TENT4B: variants seen among roughly 807,000 people sequenced by gnomAD.
TENT4B encodes terminal nucleotidyltransferase 4B.
TENT4B carries 10 observed loss-of-function variants against 75.0 expected under a neutral mutation model. That is an observed-to-expected ratio of 0.13 (90% CI 0.08 to 0.23). The LOEUF (loss-of-function observed/expected upper bound fraction) is 0.23, where lower values mean the gene tolerates loss of function less well. Among genes scored for constraint, TENT4B ranks in the 10% least tolerant of loss-of-function variants. The pLI is 1.00. For missense variants in TENT4B, 579 were observed against 893.8 expected (o/e 0.65, Z 4.49); for synonymous variants, 350 against 357.7 (o/e 0.98, Z 0.24).
At chr16:50,226,873 G>C (rs1215696930) in intron 10 of TENT4B, among the ~76,000 whole-genome samples, 1 of 152,170 alleles carries the variant, frequency 6.6e-6, no homozygotes, top group East Asian at 1.9e-4. Context: ...TTTAGCAGTA[G>C]TTTCTTCTAA....
intron 3 of TENT4B, 58 bp from the exon 4 acceptor site, chr16:50,216,017 C>T (rs908548093): frequency 2.5e-6 from 4 of 1,603,910 alleles, no homozygotes; most frequent in South Asian, 1.1e-5. Context: ...GCATGAGTGT[C>T]AGTTAAAACA....
At chr16:50,155,785 A>T (rs1567471399) in intron 1 of TENT4B, among the ~76,000 whole-genome samples, 1 of 152,202 alleles carries the variant, frequency 6.6e-6, no homozygotes, top group African/African-American at 2.4e-5. Context: ...CCTGTGGTTT[A>T]GTGACAAGCA....
chr16:50,176,913 T>C (rs1157841455), intron 1 of TENT4B, among the ~76,000 whole-genome samples: 3 of 152,164 alleles, frequency 2.0e-5, no homozygotes, highest in Non-Finnish European at 4.4e-5. Flanking sequence ...TTTGGTTTCT[T>C]TTCTGTCTGG....
intron 1 of TENT4B, among the ~76,000 whole-genome samples, chr16:50,163,848 T>C (rs2038047267): frequency 6.6e-6 from 1 of 152,112 alleles, no homozygotes; most frequent in East Asian, 1.9e-4. Flanking sequence ...GTTTTATTTG[T>C]TTATTTTATT....
intron 1 of TENT4B, among the ~76,000 whole-genome samples, chr16:50,208,712 T>C (rs2031116801): frequency 6.6e-6 from 1 of 152,194 alleles, no homozygotes; most frequent in Non-Finnish European, 1.5e-5. Context: ...ACATAGGCAC[T>C]TGGTAGTGTT....
chr16:50,192,232 CAAAAA>C (rs35218799), intron 1 of TENT4B, among the ~76,000 whole-genome samples: 2 of 129,538 alleles, frequency 1.5e-5, no homozygotes, highest in Non-Finnish European at 1.7e-5. Flanking sequence ...GACTCTGTCT[CAAAAA>C]AAAAAAAAAA....
intron 1 of TENT4B, among the ~76,000 whole-genome samples, chr16:50,164,433 C>G (rs976636552): frequency 6.6e-6 from 1 of 152,002 alleles, no homozygotes; most frequent in African/African-American, 2.4e-5. Flanking sequence ...CTCAGCCTCC[C>G]GAGTAGCTGG....
At position 50,153,909 on chromosome 16, in the gene TENT4B, G is replaced by T; in HGVS notation, c.288G>T (p.Leu96=). The T allele has an allele frequency of 6.6e-7, 1 of 1,526,072 alleles. No homozygotes were observed. Among genetic ancestry groups the T allele is most frequent in the Non-Finnish European group, 8.7e-7 (1 of 1,143,340 alleles). The allele number at this position is 1,526,072 out of a possible 1,614,324, so 94.5% of individuals were successfully genotyped here. Residue 96 remains leucine, a synonymous_variant, in exon 1 of 12, where the codon CTG becomes CTT. Transcript: ENST00000561678. ...SGERLLGSHA[L]PAEQRDFLPL... ...AGCGCCTGCTGGGCAGCCACGCGCTGCCCGCGGAGCAGCGGGACTTCCTGC... is the reference window on the plus strand; with the variant it reads ...AGCGCCTGCTGGGCAGCCACGCGCTTCCCGCGGAGCAGCGGGACTTCCTGC...
Position 50,153,672 on chromosome 16 carries a change from C to A in TENT4B, c.51C>A (p.Asn17Lys). The A allele has an allele frequency of 9.8e-7, 1 of 1,017,612 alleles. No individual in the cohort carries two copies. Among genetic ancestry groups the A allele is most frequent in the Non-Finnish European group, 1.2e-6 (1 of 851,846 alleles). The allele number at this position is 1,017,612 out of a possible 1,614,324, so 63.0% of individuals were successfully genotyped here. A position where few individuals can be genotyped will look rare whatever the true frequency, so the allele number is the denominator to read the frequency against. ...AGCCAGAGCAGCTCGGACCGTCCAACAGTCTGTGGATGCAGATCTGGGAGA... is the reference window on the plus strand; with the variant it reads ...AGCCAGAGCAGCTCGGACCGTCCAAAAGTCTGTGGATGCAGATCTGGGAGA... ...WFQPEQLGPSNSLWMQIWETT... is the reference protein window; with the variant it reads ...WFQPEQLGPSKSLWMQIWETT... The change falls in exon 1 of 12, where the codon AAC becomes AAA. Residue 17 changes from asparagine (N) to lysine (K), a missense_variant. Physicochemically the swap from Asn to Lys is moderately conservative, Grantham distance 94. This residue lies in a region of TENT4B where 253 missense variants were observed against 270.1 expected (regional missense o/e 0.94). Transcript: ENST00000561678.
intron 1 of TENT4B, among the ~76,000 whole-genome samples, chr16:50,162,702 T>C (rs922129988): frequency 2.0e-5 from 3 of 152,204 alleles, no homozygotes; most frequent in African/African-American, 4.8e-5. Flanking sequence ...TTAACTTTTT[T>C]TTGTCTTTGA....
chr16:50,226,430 GTTGTT>G (rs546996930), intron 10 of TENT4B, among the ~76,000 whole-genome samples: 2 of 151,510 alleles, frequency 1.3e-5, no homozygotes, highest in East Asian at 3.9e-4. Flanking sequence ...TTTTGTTGTT[GTTGTT>G]TTGTTTTGTT....
At chr16:50,214,184 T>C (rs1567508210) in intron 2 of TENT4B, 37 bp from the exon 3 acceptor site, 11 of 1,461,084 alleles carry the variant, frequency 7.5e-6, no homozygotes, top group Middle Eastern at 4.7e-4. Flanking sequence ...CAACTTCTGA[T>C]AACTCAATAT....
Position 50,172,561 on chromosome 16 carries a change from A to G in TENT4B, c.638+18302A>G, listed in dbSNP as rs147474348. 8.7e-5 allele frequency among the ~76,000 whole-genome samples: 13 copies of G among 150,188 alleles called. No individual in the cohort carries two copies. The East Asian group carries it at 2.3e-3, about 27-fold the overall frequency. Reference sequence around the variant, plus strand: ...GTTTATGGAAAAATTGAGCAGGAGTACATAGTTTCTCTATCTCCCTCACAT... The same window carrying G: ...GTTTATGGAAAAATTGAGCAGGAGTGCATAGTTTCTCTATCTCCCTCACAT... On this transcript the variant is annotated intron_variant, in intron 1 of 11. Coordinates refer to ENST00000561678, the MANE Select transcript of TENT4B (RefSeq NM_001365324.3).
chr16:50,223,118 C>T (rs2150746852), intron 6 of TENT4B, 56 bp from the exon 7 acceptor site: 1 of 1,343,698 alleles, frequency 7.4e-7, no homozygotes, highest in Non-Finnish European at 1.0e-6. Flanking sequence ...ATTTATTCCC[C>T]CTCTCCTTGA....
chr16:50,178,343 G>A (rs934944162), intron 1 of TENT4B, among the ~76,000 whole-genome samples: 2 of 151,690 alleles, frequency 1.3e-5, no homozygotes, highest in Admixed American at 6.6e-5. Flanking sequence ...CCTGTATATG[G>A]CTGAAGTGGG....
intron 2 of TENT4B, among the ~76,000 whole-genome samples, chr16:50,213,591 A>T (rs977787865): frequency 1.3e-5 from 2 of 152,174 alleles, no homozygotes; most frequent in African/African-American, 4.8e-5. Context: ...AGGATTTGTG[A>T]TTGTGTCTCT....
chr16:50,156,160 C>G (rs565020979), intron 1 of TENT4B, among the ~76,000 whole-genome samples: 2 of 152,204 alleles, frequency 1.3e-5, no homozygotes, highest in East Asian at 3.9e-4. Context: ...AACTGCTTAT[C>G]ACTTCACCAG....
rs1596766618 is a variant in TENT4B, at chr16:50,231,459, T to A, written c.*2131T>A. ...ACATTTACCACACTGAAGTTTTTTT[T>A]GTTGTTTTTTGTTTGTTTTTAAAGA... On this transcript the variant is annotated 3_prime_UTR_variant, in exon 12 of 12. Transcript: ENST00000561678. 2.0e-6 allele frequency: 2 copies of A among 985,668 alleles called. No individual in the cohort carries two copies. Among genetic ancestry groups the A allele is most frequent in the East Asian group, 2.3e-4 (2 of 8,830 alleles). The allele number at this position is 985,668 out of a possible 1,614,324, so 61.1% of individuals were successfully genotyped here. A position where few individuals can be genotyped will look rare whatever the true frequency, so the allele number is the denominator to read the frequency against.
At chr16:50,226,718 A>T (rs1449735039) in intron 10 of TENT4B, among the ~76,000 whole-genome samples, 4 of 151,648 alleles carry the variant, frequency 2.6e-5, no homozygotes, top group Non-Finnish European at 5.9e-5. Context: ...GCCTGGCCAA[A>T]TTTTTTTTTA....
Sources: allele counts gnomAD v4.1 joint callset (sites outside exome capture counted in the v4.1 genomes callset), GRCh38; gene constraint gnomAD v4.1.1; regional missense constraint gnomAD v4.1.1; transcripts MANE v1.5; gene names NCBI Gene and HGNC (gene_info 2026-07-23, HGNC 2026-07-21).